The following GLP2R variants were observed in gnomAD, a reference collection of about 807,000 sequenced individuals.
The protein encoded by GLP2R is glucagon like peptide 2 receptor.
A neutral mutation model predicts 68.2 loss-of-function variants in GLP2R; 59 were observed. The ratio of observed to expected loss-of-function variants is 0.87; its 90% confidence interval spans 0.70 to 1.07. The LOEUF (loss-of-function observed/expected upper bound fraction) is 1.07. Among genes scored for constraint, GLP2R ranks in the 50% least tolerant of loss-of-function variants. The probability of loss-of-function intolerance (pLI) is 0.00; values close to 1 mark genes in which losing one functional copy is unlikely to be tolerated. For missense variants in GLP2R, 548 were observed against 677.4 expected (o/e 0.81, Z 2.12); for synonymous variants, 270 against 265.4 (o/e 1.02, Z -0.17).
intron 11 of GLP2R, among the ~76,000 whole-genome samples, chr17:9,883,412 A>C (rs1281425811): frequency 6.6e-6 from 1 of 152,216 alleles, no homozygotes; most frequent in African/African-American, 2.4e-5. Context: ...CCAGAAGGAG[A>C]GTAAAGATAG....
At chr17:9,833,350 T>C (rs1377626418) in intron 1 of GLP2R, among the ~76,000 whole-genome samples, 1 of 146,168 alleles carries the variant, frequency 6.8e-6, no homozygotes, top group African/African-American at 2.4e-5. Flanking sequence ...AGAGAATCTG[T>C]CTACTCAGAG....
At position 9,889,640 on chromosome 17, in the gene GLP2R, T is replaced by A. The variant is rs371051147; in HGVS notation, c.1597T>A (p.Cys533Ser). ...GCCCCGGGGCAGCAGCCTGTCCGAGTGCAGTGAGGGGGATGTCACCATGGC... is the reference window on the plus strand; with the variant it reads ...GCCCCGGGGCAGCAGCCTGTCCGAGAGCAGTGAGGGGGATGTCACCATGGC... Reference protein sequence around the residue: ...RWPRGSSLSECSEGDVTMANT... With the variant: ...RWPRGSSLSESSEGDVTMANT... The change falls in exon 13 of 13, where the codon TGC becomes AGC. Residue 533 changes from cysteine (C) to serine (S), a missense_variant. Coordinates refer to ENST00000262441, the MANE Select transcript of GLP2R (RefSeq NM_004246.3). The A allele has an allele frequency of 2.7e-5, 43 of 1,611,306 alleles. No homozygotes were observed. The highest frequency in any genetic ancestry group is 3.6e-5 in the Non-Finnish European group (43 of 1,178,306).
chr17:9,888,169 G>A (rs1321492530), intron 12 of GLP2R, among the ~76,000 whole-genome samples, 196 bp downstream of exon 12: 1 of 152,184 alleles, frequency 6.6e-6, no homozygotes, highest in Non-Finnish European at 1.5e-5. Flanking sequence ...AAAGGTGTCG[G>A]GATGGGTATA....
chr17:9,883,053 T>G (rs1477892229), intron 11 of GLP2R, among the ~76,000 whole-genome samples: 2 of 151,330 alleles, frequency 1.3e-5, no homozygotes, highest in Non-Finnish European at 2.9e-5. Context: ...GTCTAGATGT[T>G]GGACTTATCA....
chr17:9,853,080 G>T, intron 4 of GLP2R: 1 of 530,860 alleles, frequency 1.9e-6, no homozygotes, highest in South Asian at 1.7e-5. Context: ...TTTCAAAGTC[G>T]CCAGTGTTAC....
At chr17:9,859,873 C>A in intron 6 of GLP2R, 69 bp from the exon 7 acceptor site, 2 of 1,018,806 alleles carry the variant, frequency 2.0e-6, no homozygotes, top group Non-Finnish European at 2.7e-6. Context: ...CTGGGAGGCC[C>A]TTCTCCCCCG....
chr17:9,839,278 G>A (rs951222783), intron 3 of GLP2R, among the ~76,000 whole-genome samples: 1 of 152,110 alleles, frequency 6.6e-6, no homozygotes, highest in African/African-American at 2.4e-5. Context: ...CAAGAGGGCA[G>A]AGAGAAGGAG....
chr17:9,875,527 C>T (rs1306340214), intron 10 of GLP2R, among the ~76,000 whole-genome samples: 1 of 152,226 alleles, frequency 6.6e-6, no homozygotes, highest in Non-Finnish European at 1.5e-5. Context: ...CACATTTAGG[C>T]CCTGCCAAAG....
rs71139005 is a variant in GLP2R, at chr17:9,848,894, T to TGC, written c.505-5598_505-5597dup. Among the ~76,000 whole-genome samples the TGC allele has an allele frequency of 3.3e-4, 50 of 149,300 alleles. 3 individuals carry two copies. In the South Asian group the frequency reaches 9.6e-3, roughly 29 times the overall value. On this transcript the variant is annotated intron_variant, in intron 4 of 12. Coordinates refer to ENST00000262441, the MANE Select transcript of GLP2R (RefSeq NM_004246.3). ...GTGTGTGTGTGTGTGTGTGTGTGTGTGCGCTCACATAAGCATTAACAAGTG... is the reference window on the plus strand; with the variant it reads ...GTGTGTGTGTGTGTGTGTGTGTGTGTGCGCGCTCACATAAGCATTAACAAGTG...
chr17:9,847,433 C>CT (rs1407736490), intron 4 of GLP2R, among the ~76,000 whole-genome samples: 8 of 151,968 alleles, frequency 5.3e-5, no homozygotes, highest in Non-Finnish European at 1.2e-4. Context: ...CCACACCCGG[C>CT]AATGTTTTGT....
At chr17:9,856,503 G>A (rs184594039) in intron 5 of GLP2R, among the ~76,000 whole-genome samples, 1 of 152,338 alleles carries the variant, frequency 6.6e-6, no homozygotes, top group East Asian at 1.9e-4. Context: ...TCTGGTGACA[G>A]CAAGGATGCA....
intron 1 of GLP2R, among the ~76,000 whole-genome samples, chr17:9,827,960 CAAAA>C (rs368157136): frequency 1.4e-5 from 1 of 73,900 alleles, no homozygotes. Context: ...GGATCTGTCT[CAAAA>C]AAAAAAAAAA....
chr17:9,867,700 G>A (rs2067052109), intron 9 of GLP2R, among the ~76,000 whole-genome samples: 1 of 152,110 alleles, frequency 6.6e-6, no homozygotes, highest in South Asian at 2.1e-4. Flanking sequence ...TCCATACCCT[G>A]CACCCTGCAG....
chr17:9,879,291 T>TA (rs11396066), intron 10 of GLP2R, among the ~76,000 whole-genome samples: 522 of 26,524 alleles, frequency 0.02, 16 homozygotes, highest in African/African-American at 0.028. Flanking sequence ...TAAAATAAAA[T>TA]AAATAAAATA....
intron 11 of GLP2R, among the ~76,000 whole-genome samples, chr17:9,886,672 T>C (rs1280908806): frequency 1.3e-5 from 2 of 152,210 alleles, no homozygotes; most frequent in East Asian, 3.8e-4. Context: ...TCCACATTCA[T>C]GGGCAGAATC....
chr17:9,860,035 A>C lies in GLP2R; in HGVS notation c.859A>C (p.Thr287Pro). The change falls in exon 7 of 13, where the codon ACG becomes CCG. Residue 287 changes from threonine (T) to proline (P), a missense_variant. Coordinates refer to ENST00000262441, the MANE Select transcript of GLP2R (RefSeq NM_004246.3). ...GCTGGTTGAAGGCCTCTACCTCCACACGCTGCTGGAGCCCACAGTGCTTCC... is the reference window on the plus strand; with the variant it reads ...GCTGGTTGAAGGCCTCTACCTCCACCCGCTGCTGGAGCCCACAGTGCTTCC... ...WLLVEGLYLH[T>P]LLEPTVLPER... 1 of 1,613,648 alleles carries C rather than the reference A, an allele frequency of 6.2e-7. No homozygotes were observed.
At chr17:9,880,278 A>G in intron 10 of GLP2R, 100 bp from the exon 11 acceptor site, 1 of 713,200 alleles carries the variant, frequency 1.4e-6, no homozygotes, top group South Asian at 2.2e-5. Flanking sequence ...ACAACTATCA[A>G]TATGGTAAGA....
chr17:9,871,977 C>G (rs1236804720), intron 10 of GLP2R, among the ~76,000 whole-genome samples: 1 of 152,110 alleles, frequency 6.6e-6, no homozygotes, highest in African/African-American at 2.4e-5. Context: ...CTAGCCTTGG[C>G]CTCCCAAAGT....
chr17:9,860,927 C>A (rs12150167), intron 7 of GLP2R, among the ~76,000 whole-genome samples: 23,463 of 152,110 alleles, frequency 0.15, 2,346 homozygotes, highest in Non-Finnish European at 0.23. Flanking sequence ...AGTATCCAGT[C>A]GCTTTCCCCC....
Sources: allele counts gnomAD v4.1 joint callset (sites outside exome capture counted in the v4.1 genomes callset), GRCh38; gene constraint gnomAD v4.1.1; transcripts MANE v1.5; gene names NCBI Gene and HGNC (gene_info 2026-07-23, HGNC 2026-07-21).